Variants in ATAD2B observed in about 807,000 individuals in gnomAD.
ATAD2B encodes ATPase family AAA domain-containing protein 2B.
Under a neutral mutation model 167.6 loss-of-function variants are expected in ATAD2B, and 40 were observed. The ratio of observed to expected loss-of-function variants is 0.24; its 90% CI spans 0.19 to 0.31. The LOEUF is 0.31. Among genes scored for constraint, ATAD2B ranks in the 10% least tolerant of loss-of-function variants. ATAD2B has a pLI of 1.00. For synonymous variants in ATAD2B, 579 were observed against 596.5 expected (o/e 0.97, Z 0.43); for missense variants, 1,242 against 1,757.2 (o/e 0.71, Z 5.24).
At chr2:23,707,347 G>A in the ATAD2B span, 8 of 152,120 alleles carry the variant, frequency 5.3e-5, no homozygotes, top group East Asian at 1.2e-3. Context: ...TCTCTTACCC[G>A]GTATGAATTA....
At chr2:23,712,553 GGA>G in the ATAD2B span, among the ~76,000 whole-genome samples, 1 of 152,138 alleles carries the variant, frequency 6.6e-6, no homozygotes, top group Non-Finnish European at 1.5e-5. Flanking sequence ...GGAGAGCAGA[GGA>G]GAGGGGAGAA....
chr2:23,871,629 A>G (rs916516068), intron 8 of ATAD2B, among the ~76,000 whole-genome samples: 2 of 152,154 alleles, frequency 1.3e-5, no homozygotes, highest in African/African-American at 4.8e-5. Flanking sequence ...ACTAATGAAA[A>G]TCCACACAAC....
At chr2:23,780,267 TTGTGTGTGTGTGTG>T (rs67788174) in intron 22 of ATAD2B, among the ~76,000 whole-genome samples, 6 of 143,998 alleles carry the variant, frequency 4.2e-5, no homozygotes, top group Admixed American at 2.8e-4. Flanking sequence ...AAGTATATAC[TTGTGTGTGTGTGTG>T]TGTGTGTGTG....
At chr2:23,804,311 A>T (rs1397541056) in intron 18 of ATAD2B, among the ~76,000 whole-genome samples, 1 of 152,180 alleles carries the variant, frequency 6.6e-6, no homozygotes, top group Non-Finnish European at 1.5e-5. Flanking sequence ...ATTAGCCAAG[A>T]CATCTGGTCT....
At chr2:23,711,880 C>T in the ATAD2B span, among the ~76,000 whole-genome samples, 4 of 152,170 alleles carry the variant, frequency 2.6e-5, no homozygotes, top group African/African-American at 7.2e-5. Flanking sequence ...CCTTAATATA[C>T]GTATACAACA....
chr2:23,755,534 A>C (rs140869222), intron 25 of ATAD2B, among the ~76,000 whole-genome samples: 26 of 152,270 alleles, frequency 1.7e-4, no homozygotes, highest in Middle Eastern at 3.4e-3. Flanking sequence ...GACTACTCTT[A>C]AGAGGAGGAT....
At chr2:23,905,498 T>C (rs1701362852) in intron 1 of ATAD2B, among the ~76,000 whole-genome samples, 1 of 152,174 alleles carries the variant, frequency 6.6e-6, no homozygotes, top group East Asian at 1.9e-4. Context: ...CACTCCAGCT[T>C]GGGTGACACA....
At chr2:23,767,443 C>T (rs1011530791) in intron 22 of ATAD2B, among the ~76,000 whole-genome samples, 13 of 152,140 alleles carry the variant, frequency 8.5e-5, no homozygotes, top group African/African-American at 2.9e-4. Flanking sequence ...TATAGAAAAA[C>T]TTGCCTTGCT....
the ATAD2B span, among the ~76,000 whole-genome samples, chr2:23,680,001 C>T: frequency 9.2e-5 from 14 of 152,160 alleles, no homozygotes; most frequent in East Asian, 3.9e-4. This position sits in a 1 kb window ranked among gnomAD's most constrained non-coding sequence, Gnocchi z 4.1. Context: ...GCGGAGGGAA[C>T]GGGGAGACCT....
the ATAD2B span, among the ~76,000 whole-genome samples, chr2:23,730,665 C>CAAAAAAAAAAAAAAAAAAAAAAAAAAA: frequency 3.1e-5 from 1 of 31,988 alleles, no homozygotes; most frequent in African/African-American, 1.1e-4. Context: ...GACTCCGTTT[C>CAAAAAAAAAAAAAAAAAAAAAAAAAAA]AAAAAAAAAA....
rs763333307 is a variant in ATAD2B, at chr2:23,788,657, TACAC to T, written c.2641-14_2641-11del. 6.4e-7 allele frequency: 1 copy of T among 1,562,714 alleles called. No individual in the cohort carries two copies. Among genetic ancestry groups the T allele is most frequent in the South Asian group, 1.1e-5 (1 of 88,428 alleles). Reference sequence around the variant, plus strand: ...TAAAGATACATTTAACCTACACATATACACACACACAAAGACATTAAATATATAA... The same window carrying T: ...TAAAGATACATTTAACCTACACATATACACACAAAGACATTAAATATATAA... On this transcript the variant is annotated splice_polypyrimidine_tract_variant and intron_variant, in intron 19 of 27. Transcript: ENST00000238789.
At chr2:23,774,490 T>C (rs1678789385) in intron 22 of ATAD2B, among the ~76,000 whole-genome samples, 1 of 152,172 alleles carries the variant, frequency 6.6e-6, no homozygotes, top group African/African-American at 2.4e-5. Flanking sequence ...ATTTTAACTA[T>C]ATTTACTGGT....
chr2:23,685,847 C>T, the ATAD2B span, among the ~76,000 whole-genome samples: 3 of 152,196 alleles, frequency 2.0e-5, no homozygotes, highest in East Asian at 1.9e-4. Context: ...GGGCCCGCAT[C>T]GGGCTGCCGG....
At chr2:23,847,804 G>T (rs1184635887) in intron 13 of ATAD2B, among the ~76,000 whole-genome samples, 1 of 151,328 alleles carries the variant, frequency 6.6e-6, no homozygotes, top group East Asian at 2.0e-4. Flanking sequence ...GGCTAATATG[G>T]TAAAACCCCA....
At chr2:23,759,273 C>T (rs1572639484) in intron 24 of ATAD2B, among the ~76,000 whole-genome samples, 1 of 152,016 alleles carries the variant, frequency 6.6e-6, no homozygotes, top group Admixed American at 6.6e-5. Flanking sequence ...ATGTTTAATA[C>T]ATCAAAGCTG....
intron 12 of ATAD2B, among the ~76,000 whole-genome samples, chr2:23,858,325 T>C (rs1693766523): frequency 6.6e-6 from 1 of 151,460 alleles, no homozygotes. Flanking sequence ...TTCATCATGT[T>C]GGCCAGGCTG....
At chr2:23,782,279 T>C (rs979096533) in intron 22 of ATAD2B, among the ~76,000 whole-genome samples, 1 of 152,240 alleles carries the variant, frequency 6.6e-6, no homozygotes, top group Non-Finnish European at 1.5e-5. Flanking sequence ...CCAAATCCTA[T>C]ATGGTTCCCT....
At chr2:23,837,356 G>A (rs934823544) in intron 13 of ATAD2B, among the ~76,000 whole-genome samples, 1 of 152,200 alleles carries the variant, frequency 6.6e-6, no homozygotes, top group Non-Finnish European at 1.5e-5. Flanking sequence ...CCCCCAGAGT[G>A]CAGGAATGCC....
chr2:23,680,266 T>G, the ATAD2B span, among the ~76,000 whole-genome samples: 2 of 149,150 alleles, frequency 1.3e-5, no homozygotes, highest in African/African-American at 2.5e-5. This position sits in a 1 kb window ranked among gnomAD's most constrained non-coding sequence, Gnocchi z 4.1. Context: ...AGGGGAGGAG[T>G]CTGGGGAAGG....
Sources: allele counts gnomAD v4.1 joint callset (sites outside exome capture counted in the v4.1 genomes callset), GRCh38; gene constraint gnomAD v4.1.1; non-coding constraint Gnocchi (gnomAD v3.1); transcripts MANE v1.5; gene names NCBI Gene and HGNC (gene_info 2026-07-23, HGNC 2026-07-21).